PARVA: variants seen among roughly 807,000 people sequenced by gnomAD.
The protein encoded by PARVA is alpha-parvin.
A neutral mutation model predicts 52.6 loss-of-function variants in PARVA; 25 were observed. The observed-to-expected ratio is 0.48, with a 90% CI of 0.35 to 0.66. The LOEUF is 0.66. Ranked by LOEUF, PARVA falls within the 30% of genes least tolerant of loss-of-function variation. The pLI, the probability that PARVA is intolerant of heterozygous loss-of-function variation, is 0.01. For synonymous variants in PARVA, 185 were observed against 179.1 expected (o/e 1.03, Z -0.26); for missense variants, 373 against 450.9 (o/e 0.83, Z 1.56).
intron 1 of PARVA, among the ~76,000 whole-genome samples, chr11:12,456,174 T>A (rs1275962753): frequency 1.3e-5 from 2 of 152,204 alleles, no homozygotes; most frequent in Non-Finnish European, 2.9e-5. Context: ...TATGTATGCG[T>A]TGTTGGCATG....
chr11:12,486,875 T>G (rs1941167461), intron 4 of PARVA, among the ~76,000 whole-genome samples: 1 of 152,114 alleles, frequency 6.6e-6, no homozygotes, highest in African/African-American at 2.4e-5. Flanking sequence ...AGGAAGAAGA[T>G]GAAGCTCACA....
At position 12,491,565 on chromosome 11, in the gene PARVA, CTA is replaced by C. The variant is rs1223162477; in HGVS notation, c.401-4891_401-4890del. Among the ~76,000 whole-genome samples, 20 of 152,192 alleles carry C rather than the reference CTA, an allele frequency of 1.3e-4. No homozygotes were observed. The South Asian group carries it at 1.5e-3, about 11-fold the overall frequency. On this transcript the variant is annotated intron_variant, in intron 4 of 12. Coordinates refer to ENST00000334956, the MANE Select transcript of PARVA (RefSeq NM_018222.5). ...ACTAATTTTTTTAAAGCTGGGGTAA[CTA>C]TTTTACATCATACAAAATAGACTTT...
At chr11:12,426,981 C>T (rs1478687075) in intron 1 of PARVA, among the ~76,000 whole-genome samples, 2 of 151,452 alleles carry the variant, frequency 1.3e-5, no homozygotes, top group South Asian at 2.1e-4. Context: ...TTTATTTGGA[C>T]CAAAAAAAGG....
intron 1 of PARVA, among the ~76,000 whole-genome samples, chr11:12,432,421 AT>A (rs1940327766): frequency 6.6e-6 from 1 of 152,250 alleles, no homozygotes. Flanking sequence ...TGAATGCTGA[AT>A]TTGGGAGCTG....
chr11:12,448,127 AACCT>A (rs1283891100), intron 1 of PARVA, among the ~76,000 whole-genome samples: 1 of 152,228 alleles, frequency 6.6e-6, no homozygotes, highest in African/African-American at 2.4e-5. Flanking sequence ...ACATCTGATT[AACCT>A]ACCTTACAGT....
chr11:12,382,214 C>T (rs1399419103), intron 1 of PARVA, among the ~76,000 whole-genome samples: 1 of 152,170 alleles, frequency 6.6e-6, no homozygotes, highest in African/African-American at 2.4e-5. Flanking sequence ...ACATTTCTCT[C>T]ATCTGCAGAT....
intron 1 of PARVA, among the ~76,000 whole-genome samples, chr11:12,439,747 G>C (rs1409031690): frequency 6.6e-6 from 1 of 152,106 alleles, no homozygotes; most frequent in Non-Finnish European, 1.5e-5. Context: ...TGCCCCAGCT[G>C]CCCTGGCCTT....
intron 8 of PARVA, 135 bp downstream of exon 8, chr11:12,511,668 A>G (rs1377177510): frequency 7.7e-6 from 7 of 906,516 alleles, no homozygotes; most frequent in East Asian, 2.6e-5. Flanking sequence ...GACATGGCCA[A>G]TTGGGTTGGG....
chr11:12,437,836 T>C (rs1940407887), intron 1 of PARVA, among the ~76,000 whole-genome samples: 1 of 152,178 alleles, frequency 6.6e-6, no homozygotes, highest in African/African-American at 2.4e-5. Flanking sequence ...TGGTCGGTGC[T>C]TCCCATTCAC....
At chr11:12,436,292 T>C (rs572105871) in intron 1 of PARVA, among the ~76,000 whole-genome samples, 1 of 152,190 alleles carries the variant, frequency 6.6e-6, no homozygotes, top group Non-Finnish European at 1.5e-5. Flanking sequence ...CAAAAATTTT[T>C]TATTAACCTG....
intron 1 of PARVA, among the ~76,000 whole-genome samples, chr11:12,422,442 T>C (rs1321454053): frequency 1.3e-5 from 2 of 152,238 alleles, no homozygotes; most frequent in African/African-American, 4.8e-5. Flanking sequence ...ACTAGAGTAA[T>C]GTACAATGCC....
chr11:12,385,163 C>T (rs934185733), intron 1 of PARVA, among the ~76,000 whole-genome samples: 38 of 152,120 alleles, frequency 2.5e-4, no homozygotes, highest in East Asian at 3.9e-4. Context: ...TGGCGAAACC[C>T]CATCTCTACA....
intron 1 of PARVA, among the ~76,000 whole-genome samples, chr11:12,402,868 T>A (rs1330784933): frequency 6.6e-6 from 1 of 152,142 alleles, no homozygotes; most frequent in Non-Finnish European, 1.5e-5. Flanking sequence ...CTCGGAGTGG[T>A]TGAGTCTCCA....
intron 1 of PARVA, among the ~76,000 whole-genome samples, chr11:12,379,163 T>C (rs964223202): frequency 1.3e-5 from 2 of 152,216 alleles, no homozygotes; most frequent in Non-Finnish European, 2.9e-5. Flanking sequence ...GAGGTCACTC[T>C]TGTCGCCATT....
chr11:12,493,923 G>C (rs898264132), intron 4 of PARVA, among the ~76,000 whole-genome samples: 1 of 152,216 alleles, frequency 6.6e-6, no homozygotes, highest in Non-Finnish European at 1.5e-5. Flanking sequence ...CCACAAGAGT[G>C]TCCCCACTTC....
intron 4 of PARVA, among the ~76,000 whole-genome samples, chr11:12,495,181 A>T (rs1286229741): frequency 6.6e-6 from 1 of 152,214 alleles, no homozygotes; most frequent in East Asian, 1.9e-4. Context: ...TTAGAGATAA[A>T]AATGGCTTAA....
chr11:12,504,508 C>A, intron 6 of PARVA, 79 bp downstream of exon 6: 2 of 809,570 alleles, frequency 2.5e-6, no homozygotes, highest in South Asian at 1.6e-5. Context: ...TCGAGTAGGT[C>A]ATTAGAAGGA....
At chr11:12,481,503 C>G (rs1310403237) in intron 4 of PARVA, among the ~76,000 whole-genome samples, 1 of 151,878 alleles carries the variant, frequency 6.6e-6, no homozygotes. Flanking sequence ...ATTTTTCTTA[C>G]TCCAGTCCTG....
intron 1 of PARVA, among the ~76,000 whole-genome samples, chr11:12,406,104 T>C (rs761513186): frequency 2.6e-5 from 4 of 152,160 alleles, no homozygotes; most frequent in Admixed American, 6.5e-5. Context: ...ACAGAACCAG[T>C]AGGGAAGATA....
Sources: gnomAD v4.1 joint callset for allele counts (sites outside exome capture counted in the v4.1 genomes callset) on GRCh38, gnomAD v4.1.1 for gene constraint, MANE v1.5 for transcripts, NCBI Gene and HGNC (gene_info 2026-07-23, HGNC 2026-07-21) for gene names.